Variants in TRAK1 observed in about 807,000 individuals in gnomAD.
TRAK1 encodes the protein trafficking kinesin-binding protein 1.
Under a neutral mutation model 92.1 loss-of-function variants are expected in TRAK1, and 33 were observed. That is an observed-to-expected ratio of 0.36 (90% CI 0.27 to 0.48). The LOEUF (loss-of-function observed/expected upper bound fraction) is 0.48, where lower values mean the gene tolerates loss of function less well. Ranked by LOEUF, TRAK1 falls within the 20% of genes least tolerant of loss-of-function variation. The pLI is 0.99. For missense variants in TRAK1, 1,123 were observed against 1,257.9 expected, an observed-to-expected ratio of 0.89 and a Z score of 1.62; for synonymous variants, 521 against 517.3, an observed-to-expected ratio of 1.01 and a Z score of -0.10.
chr3:42,091,266 TGA>T, upstream of TRAK1: 1 of 550,494 alleles, frequency 1.8e-6, no homozygotes, highest in South Asian at 2.5e-5. Context: ...CAAGATGAGC[TGA>T]TAGGGTTCCC....
At chr3:42,221,810 T>C (rs2029124) in intron 15 of TRAK1, 19,444 of 152,148 alleles carry the variant, frequency 0.13, 1,696 homozygotes, top group African/African-American at 0.25. Context: ...CCTGGATCCC[T>C]GTAGCAGCTG....
chr3:42,111,705 T>C (rs995748542), intron 1 of TRAK1, among the ~76,000 whole-genome samples: 3 of 152,134 alleles, frequency 2.0e-5, no homozygotes, highest in African/African-American at 7.2e-5. Context: ...CTAGTTATGG[T>C]AATCTTACTA....
chr3:42,145,151 T>C (rs1699170655), intron 2 of TRAK1, among the ~76,000 whole-genome samples: 1 of 152,250 alleles, frequency 6.6e-6, no homozygotes, highest in Non-Finnish European at 1.5e-5. Flanking sequence ...TCTAAAAAGA[T>C]ATATGCAGTT....
chr3:42,193,452 C>T (rs918737563), intron 8 of TRAK1, among the ~76,000 whole-genome samples: 1 of 152,150 alleles, frequency 6.6e-6, no homozygotes, highest in African/African-American at 2.4e-5. Flanking sequence ...TAAATATGGA[C>T]TTTTGCAGTT....
At chr3:42,028,731 G>C (rs534774081) in intron 1 of TRAK1, among the ~76,000 whole-genome samples, 2 of 152,134 alleles carry the variant, frequency 1.3e-5, no homozygotes, top group African/African-American at 4.8e-5. Flanking sequence ...GTCAGGGGAC[G>C]GCTGCATCCC....
chr3:42,189,031 G>A lies in TRAK1; in HGVS notation c.597G>A (p.Glu199=), dbSNP rs1220245600. The A allele has an allele frequency of 3.7e-6, 6 of 1,613,546 alleles. No individual in the cohort carries two copies. The highest frequency in any genetic ancestry group is 5.1e-6 in the Non-Finnish European group (6 of 1,179,548). The change falls in exon 6 of 16, where the codon GAG becomes GAA. Residue 199 remains glutamate (E), a synonymous_variant. Transcript: ENST00000327628. ...SVCSTPLKRN[E]SSSSVQNYFH... ...TCTCCCCCAGGTTGAAGAGGAATGA[G>A]TCGTCCTCCTCAGTCCAGAATTACT...
chr3:42,192,738 TG>T (rs1391813001), intron 7 of TRAK1, among the ~76,000 whole-genome samples: 1 of 152,224 alleles, frequency 6.6e-6, no homozygotes, highest in East Asian at 1.9e-4. Context: ...GATGCACTCA[TG>T]TTTTGTTTGT....
intron 10 of TRAK1, among the ~76,000 whole-genome samples, chr3:42,196,704 A>ATTTTT (rs35460407): frequency 7.0e-6 from 1 of 142,064 alleles, no homozygotes. Context: ...CGCCCGGCTA[A>ATTTTT]TTTTTTTTTT....
rs538314184 is a variant in TRAK1, at chr3:42,029,481, A to G, written c.-519+15364A>G. Among the ~76,000 whole-genome samples, 26 of 150,970 alleles carry G rather than the reference A, an allele frequency of 1.7e-4. No homozygotes were observed. The South Asian group carries it at 2.1e-3, about 12-fold the overall frequency. On this transcript the variant is annotated intron_variant, in intron 1 of 16. Transcript: ENST00000487159. ...AGTCTTGAACTCCTGAGCTCAAGGC[A>G]TCCTCCCTCCTTGTCTTCCCTAAGT...
intron 1 of TRAK1, among the ~76,000 whole-genome samples, chr3:42,069,504 A>G (rs148467242): frequency 3.3e-5 from 5 of 152,232 alleles, no homozygotes; most frequent in South Asian, 2.1e-4. Context: ...GCCTGTGAAG[A>G]TGAAATTCTA....
upstream of TRAK1, among the ~76,000 whole-genome samples, chr3:42,089,582 C>G (rs1704878737): frequency 6.6e-6 from 1 of 152,094 alleles, no homozygotes; most frequent in African/African-American, 2.4e-5. Context: ...CCAGGCACAT[C>G]CAGCCTCAGG....
Position 42,091,562 on chromosome 3 carries a change from T to C in TRAK1, c.91+2T>C, listed in dbSNP as rs754513355. 12 of 1,610,852 alleles carry C rather than the reference T, an allele frequency of 7.4e-6. No homozygotes were observed. The African/African-American group carries it at 1.3e-4, about 18-fold the overall frequency. On this transcript the variant is annotated splice_donor_variant, in intron 1 of 15. Transcript: ENST00000327628. LOFTEE classifies it high-confidence loss of function. ...AGCTCATTCGGACAAACGCCTGTGG[T>C]AAGTTTGTTTGCCAGGTCTGTCTGC...
intron 1 of TRAK1, among the ~76,000 whole-genome samples, chr3:42,054,619 C>T (rs1430808640): frequency 6.6e-6 from 1 of 152,124 alleles, no homozygotes; most frequent in South Asian, 2.1e-4. Flanking sequence ...ATAAAAACAG[C>T]CTTCTCCTCT....
chr3:42,210,712 CAT>C (rs1466833374), intron 14 of TRAK1: 4 of 987,260 alleles, frequency 4.1e-6, no homozygotes, highest in African/African-American at 3.5e-5. Flanking sequence ...TCAGCTTACA[CAT>C]GTGTTCAAAG....
At chr3:42,030,754 T>G (rs1446099401) in intron 1 of TRAK1, among the ~76,000 whole-genome samples, 2 of 141,648 alleles carry the variant, frequency 1.4e-5, no homozygotes, top group Non-Finnish European at 3.0e-5. Context: ...AACTTGTTGG[T>G]CAGGCAGTTA....
At chr3:42,133,786 ATCCTCT>A (rs1280179030) in intron 2 of TRAK1, among the ~76,000 whole-genome samples, 1 of 152,182 alleles carries the variant, frequency 6.6e-6, no homozygotes, top group Admixed American at 6.5e-5. Flanking sequence ...GTAGTGCATA[ATCCTCT>A]TTTTGTTTAA....
In TRAK1 at chr3:42,185,973, C is replaced by CTTT. The variant is rs1054954407; in HGVS notation, c.480+1197_480+1199dup. 1.5e-3 allele frequency among the ~76,000 whole-genome samples: 129 copies of CTTT among 83,970 alleles called. 9 individuals are homozygous for CTTT. The highest frequency in any genetic ancestry group is 5.9e-3 in the African/African-American group (110 of 18,588). The allele number at this position is 83,970 out of a possible 152,430, so 55.1% of individuals were successfully genotyped here. ...ACAGGCATGAGCCACTGTGCCCAGCCTTTTTTTTTTTTTTTTTTTTTTTTT... is the reference window on the plus strand; with the variant it reads ...ACAGGCATGAGCCACTGTGCCCAGCCTTTTTTTTTTTTTTTTTTTTTTTTTTTT... On this transcript the variant is annotated intron_variant, in intron 4 of 15. Coordinates refer to ENST00000327628, the MANE Select transcript of TRAK1 (RefSeq NM_001042646.3).
chr3:42,036,655 AT>A (rs1267375615), intron 1 of TRAK1, among the ~76,000 whole-genome samples: 1 of 152,220 alleles, frequency 6.6e-6, no homozygotes, highest in Non-Finnish European at 1.5e-5. Context: ...CAAGGGGAAA[AT>A]TAGCGTGTTT....
chr3:42,192,989 G>A (rs1706037822), intron 7 of TRAK1, 86 bp from the exon 8 acceptor site: 1 of 1,550,140 alleles, frequency 6.5e-7, no homozygotes. Flanking sequence ...GGTTTTTCTT[G>A]TGCAAACCAC....
Sources: allele counts gnomAD v4.1 joint callset (sites outside exome capture counted in the v4.1 genomes callset), GRCh38; gene constraint gnomAD v4.1.1; transcripts MANE v1.5; gene names NCBI Gene and HGNC (gene_info 2026-07-23, HGNC 2026-07-21).